GPC4: variants seen among roughly 807,000 people sequenced by gnomAD.
GPC4 encodes glypican 4.
A neutral mutation model predicts 35.0 loss-of-function variants in GPC4; 10 were observed. That is an observed-to-expected ratio of 0.29 (90% CI 0.18 to 0.48). The LOEUF (loss-of-function observed/expected upper bound fraction) is 0.48. Ranked by LOEUF, GPC4 falls within the 20% of genes least tolerant of loss-of-function variation. GPC4 has a pLI of 0.99. For synonymous variants in GPC4, 167 were observed against 170.2 expected (o/e 0.98, Z 0.15); for missense variants, 322 against 451.3 (o/e 0.71, Z 2.60).
intron 3 of GPC4, among the ~76,000 whole-genome samples, chrX:133,320,221 C>T (rs978017143): frequency 8.9e-6 from 1 of 111,792 alleles, no homozygotes; most frequent in African/African-American, 3.3e-5. Flanking sequence ...CTCCTATTCA[C>T]GGTCTTCCCA....
intron 3 of GPC4, among the ~76,000 whole-genome samples, chrX:133,312,436 C>A (rs1048750121): frequency 9.1e-6 from 1 of 110,273 alleles, no homozygotes; most frequent in African/African-American, 3.3e-5. Context: ...CGAGACCAGC[C>A]TTGCCAGCAT....
intron 1 of GPC4, among the ~76,000 whole-genome samples, chrX:133,363,938 G>A (rs1030411558): frequency 2.7e-5 from 3 of 111,952 alleles, no homozygotes; most frequent in African/African-American, 9.7e-5. Flanking sequence ...CATGCATATT[G>A]TAATCTTTCT....
At chrX:133,400,247 T>C (rs1230648635) in intron 1 of GPC4, among the ~76,000 whole-genome samples, 1 of 112,192 alleles carries the variant, frequency 8.9e-6, no homozygotes, top group African/African-American at 3.2e-5. Flanking sequence ...CAGGATCCAC[T>C]GCCAGAAACA....
intron 1 of GPC4, among the ~76,000 whole-genome samples, chrX:133,366,509 G>A (rs1179032913): frequency 1.8e-5 from 2 of 111,795 alleles, no homozygotes; most frequent in Admixed American, 9.5e-5. Flanking sequence ...GTAAACCTCA[G>A]TAAGCCAGTG....
intron 2 of GPC4, among the ~76,000 whole-genome samples, chrX:133,332,545 G>A (rs1383992005): frequency 2.7e-5 from 3 of 111,193 alleles, no homozygotes; most frequent in Admixed American, 9.6e-5. Context: ...GATTACAGGC[G>A]TGCACCACCA....
Position 133,414,802 on chromosome X carries a change from C to A in GPC4, c.160+4G>T, listed in dbSNP as rs2068830648. 8.3e-7 allele frequency: 1 copy of A among 1,209,715 alleles called. No homozygotes were observed. The highest frequency in any genetic ancestry group is 1.7e-5 in the African/African-American group (1 of 57,505). ...GCGCCCACCTCCCGGGTGTGCCCAC[C>A]TACCGTTGATCTCGTGGAGGGGGGC... On this transcript the variant is annotated splice_donor_region_variant and intron_variant, in intron 1 of 8. Coordinates refer to ENST00000370828, the MANE Select transcript of GPC4 (RefSeq NM_001448.3).
At position 133,347,249 on chromosome X, in the gene GPC4, T is replaced by TTTTG. The variant is rs1491544383; in HGVS notation, c.161-7909_161-7908insCAAA. ...AAATCTAAAACTCTTCTATTAGAAG[T>TTTTG]TTTTTTTTTTTTTTTTTTTTTTTTT... On this transcript the variant is annotated intron_variant, in intron 1 of 8. Coordinates refer to ENST00000370828, the MANE Select transcript of GPC4 (RefSeq NM_001448.3). Among the ~76,000 whole-genome samples the TTTTG allele has an allele frequency of 5.8e-3, 50 of 8,574 alleles. 3 individuals carry two copies. Among genetic ancestry groups the TTTTG allele is most frequent in the South Asian group, 0.013 (4 of 311 alleles). 7.4% of individuals were successfully genotyped at this position (8,574 alleles called of 115,157 possible). A position where few individuals can be genotyped will look rare whatever the true frequency, so the allele number is the denominator to read the frequency against.
intron 2 of GPC4, among the ~76,000 whole-genome samples, chrX:133,325,652 GACC>G (rs2068389000): frequency 9.0e-6 from 1 of 111,610 alleles, no homozygotes; most frequent in African/African-American, 3.3e-5. Context: ...AAAATATAAG[GACC>G]ACATCAAATA....
intron 1 of GPC4, among the ~76,000 whole-genome samples, chrX:133,380,718 A>G (rs895538951): frequency 9.0e-6 from 1 of 111,661 alleles, no homozygotes; most frequent in African/African-American, 3.3e-5. Flanking sequence ...TGAGTCTTTA[A>G]CACGACTGAA....
intron 1 of GPC4, chrX:133,414,577 C>A (rs1358856052): frequency 8.0e-6 from 6 of 752,167 alleles, no homozygotes; most frequent in Non-Finnish European, 9.4e-6. Flanking sequence ...CCGGCGGCGC[C>A]CCTCCGCTCG....
intron 7 of GPC4, among the ~76,000 whole-genome samples, chrX:133,303,903 G>GAGGATGGA (rs2068278949): frequency 1.3e-5 from 1 of 75,403 alleles, no homozygotes; most frequent in Non-Finnish European, 2.4e-5. Context: ...TACTCTGTTG[G>GAGGATGGA]AGGAAGGAAG....
intron 3 of GPC4, 123 bp from the exon 4 acceptor site, chrX:133,311,546 A>ACTCATTC: frequency 1.5e-6 from 1 of 649,686 alleles, no homozygotes; most frequent in Non-Finnish European, 2.5e-6. Context: ...ATTGATCACA[A>ACTCATTC]TTAGTAAGCC....
At chrX:133,392,631 AG>A (rs2068724558) in intron 1 of GPC4, among the ~76,000 whole-genome samples, 1 of 101,560 alleles carries the variant, frequency 9.8e-6, no homozygotes, top group Non-Finnish European at 2.0e-5. Flanking sequence ...ACCCAACTTC[AG>A]GCTTTATTGG....
intron 4 of GPC4, among the ~76,000 whole-genome samples, chrX:133,309,945 A>T (rs771031739): frequency 1.8e-5 from 2 of 111,693 alleles, no homozygotes; most frequent in African/African-American, 3.3e-5. Flanking sequence ...CCCTTTCATG[A>T]GATTCTGCTT....
At chrX:133,409,739 G>C (rs1361501582) in intron 1 of GPC4, among the ~76,000 whole-genome samples, 1 of 111,860 alleles carries the variant, frequency 8.9e-6, no homozygotes, top group Non-Finnish European at 1.9e-5. Flanking sequence ...AGTATCATTT[G>C]AGATGCTTGG....
intron 4 of GPC4, among the ~76,000 whole-genome samples, chrX:133,308,155 C>A (rs1000701809): frequency 8.9e-6 from 1 of 112,106 alleles, no homozygotes; most frequent in Non-Finnish European, 1.9e-5. Flanking sequence ...CAGCAGCCAG[C>A]CCTGATAAGA....
At chrX:133,347,682 G>A (rs1364983742) in intron 1 of GPC4, among the ~76,000 whole-genome samples, 1 of 111,163 alleles carries the variant, frequency 9.0e-6, no homozygotes, top group Non-Finnish European at 1.9e-5. Context: ...AATCTCTAAA[G>A]GTTTTTAATA....
At chrX:133,380,352 C>T (rs768167832) in intron 1 of GPC4, among the ~76,000 whole-genome samples, 1 of 91,958 alleles carries the variant, frequency 1.1e-5, no homozygotes, top group Non-Finnish European at 2.2e-5. Context: ...ACCACCCCCA[C>T]CCCCACCCCC....
intron 1 of GPC4, among the ~76,000 whole-genome samples, chrX:133,386,379 T>C (rs1389864397): frequency 8.9e-6 from 1 of 112,418 alleles, no homozygotes; most frequent in Non-Finnish European, 1.9e-5. Context: ...CAGGAAACTT[T>C]ATCTGAAAAG....
Sources: allele counts gnomAD v4.1 joint callset (sites outside exome capture counted in the v4.1 genomes callset), GRCh38; gene constraint gnomAD v4.1.1; transcripts MANE v1.5; gene names NCBI Gene and HGNC (gene_info 2026-07-23, HGNC 2026-07-21).